SLX4IP: variants seen among roughly 807,000 people sequenced by gnomAD.
The protein encoded by SLX4IP is SLX4 interacting protein.
In SLX4IP, 34 loss-of-function variants were observed where a neutral mutation model predicts 32.9. The observed-to-expected ratio is 1.03, with a 90% CI of 0.79 to 1.38. SLX4IP has a LOEUF of 1.38. Among genes scored for constraint, SLX4IP ranks in the 40% most tolerant of loss-of-function variants. The pLI is 0.00. For synonymous variants in SLX4IP, 172 were observed against 171.7 expected (o/e 1.00, Z -0.01); for missense variants, 444 against 479.0 (o/e 0.93, Z 0.68).
intron 2 of SLX4IP, among the ~76,000 whole-genome samples, chr20:10,510,386 C>T (rs951168525): frequency 1.3e-5 from 2 of 152,124 alleles, no homozygotes; most frequent in African/African-American, 4.8e-5. Flanking sequence ...TGTGGCCACA[C>T]ACACCTTTCA....
intron 1 of SLX4IP, among the ~76,000 whole-genome samples, chr20:10,436,140 A>G (rs1381973847): frequency 6.6e-6 from 1 of 152,132 alleles, no homozygotes; most frequent in Admixed American, 6.5e-5. Flanking sequence ...TTTGTAAGCC[A>G]GTTGGCTAGC....
At chr20:10,468,078 TCAAA>T (rs1179478165) in intron 2 of SLX4IP, among the ~76,000 whole-genome samples, 2 of 152,196 alleles carry the variant, frequency 1.3e-5, no homozygotes, top group Admixed American at 6.5e-5. Context: ...CCCTAAAACT[TCAAA>T]CAAAGAACTG....
chr20:10,527,475 C>G (rs2065949673), intron 2 of SLX4IP, among the ~76,000 whole-genome samples: 1 of 152,192 alleles, frequency 6.6e-6, no homozygotes, highest in African/African-American at 2.4e-5. Flanking sequence ...ACAGAATCCT[C>G]TCAGTGTATT....
intron 2 of SLX4IP, among the ~76,000 whole-genome samples, chr20:10,465,771 G>A (rs2065375809): frequency 6.6e-6 from 1 of 152,254 alleles, no homozygotes; most frequent in Non-Finnish European, 1.5e-5. Flanking sequence ...ATTCCAAAGT[G>A]ATGGGATTAT....
chr20:10,488,384 G>A (rs1014843857), intron 2 of SLX4IP, among the ~76,000 whole-genome samples: 3 of 152,114 alleles, frequency 2.0e-5, no homozygotes, highest in African/African-American at 7.2e-5. Context: ...TAGGAGAAGA[G>A]GCATGGAACA....
chr20:10,492,381 T>C (rs2065631343), intron 2 of SLX4IP, among the ~76,000 whole-genome samples: 2 of 152,240 alleles, frequency 1.3e-5, no homozygotes, highest in South Asian at 4.1e-4. Context: ...TCTTCATATC[T>C]TTGGGAATTC....
intron 2 of SLX4IP, among the ~76,000 whole-genome samples, chr20:10,474,533 A>G (rs756858640): frequency 1.3e-5 from 2 of 151,882 alleles, no homozygotes; most frequent in Non-Finnish European, 2.9e-5. Flanking sequence ...GATGTCCTCC[A>G]TTTACATCTC....
At chr20:10,559,850 A>G in intron 3 of SLX4IP, among the ~76,000 whole-genome samples, 1 of 152,214 alleles carries the variant, frequency 6.6e-6, no homozygotes, top group East Asian at 1.9e-4. Flanking sequence ...CTGTTAGTAC[A>G]TGAGTGTAGT....
intron 2 of SLX4IP, among the ~76,000 whole-genome samples, chr20:10,498,505 A>G (rs1382882879): frequency 6.6e-6 from 1 of 151,870 alleles, no homozygotes; most frequent in Non-Finnish European, 1.5e-5. Flanking sequence ...TTTCAGGTCC[A>G]TTTCTGTCTC....
intron 2 of SLX4IP, among the ~76,000 whole-genome samples, chr20:10,545,603 G>T (rs1320732482): frequency 2.6e-5 from 4 of 152,198 alleles, no homozygotes; most frequent in Non-Finnish European, 5.9e-5. Context: ...CAAGTCCTTT[G>T]TTGTATTAGA....
chr20:10,516,281 A>G (rs2065848704), intron 2 of SLX4IP, among the ~76,000 whole-genome samples: 1 of 152,190 alleles, frequency 6.6e-6, no homozygotes, highest in Non-Finnish European at 1.5e-5. Flanking sequence ...TGTCAATGCT[A>G]GCAAGTTTTT....
intron 4 of SLX4IP, among the ~76,000 whole-genome samples, chr20:10,587,089 G>A (rs1439097389): frequency 1.3e-5 from 2 of 151,946 alleles, no homozygotes; most frequent in Admixed American, 6.6e-5. Flanking sequence ...GACAATAAAA[G>A]AGAAGAAAAT....
At chr20:10,437,144 G>T (rs2065122076) in intron 1 of SLX4IP, among the ~76,000 whole-genome samples, 1 of 151,660 alleles carries the variant, frequency 6.6e-6, no homozygotes, top group South Asian at 2.1e-4. Context: ...TTTATTTTTT[G>T]AGACAGGGTA....
At position 10,452,516 on chromosome 20, in the gene SLX4IP, A is replaced by G. The variant is rs558044241; in HGVS notation, c.-29-5660A>G. On this transcript the variant is annotated intron_variant, in intron 1 of 7. Transcript: ENST00000334534. Reference sequence around the variant, plus strand: ...CTCTGTCTCTACTAAAAATACATAAATTAGCTGGGCGTGGTGGCATGCACC... The same window carrying G: ...CTCTGTCTCTACTAAAAATACATAAGTTAGCTGGGCGTGGTGGCATGCACC... Among the ~76,000 whole-genome samples, 3 of 151,304 alleles carry G rather than the reference A, an allele frequency of 2.0e-5. No homozygotes were observed. In the East Asian group the frequency reaches 5.8e-4, roughly 29 times the overall value.
chr20:10,557,706 A>G (rs578034065), intron 3 of SLX4IP, among the ~76,000 whole-genome samples: 1 of 152,286 alleles, frequency 6.6e-6, no homozygotes, highest in South Asian at 2.1e-4. Context: ...TTAGACCTTT[A>G]TCGGCCTTAG....
At chr20:10,609,339 T>G (rs996417131) in intron 6 of SLX4IP, among the ~76,000 whole-genome samples, 1 of 152,246 alleles carries the variant, frequency 6.6e-6, no homozygotes, top group African/African-American at 2.4e-5. Context: ...TTCCCAAGGA[T>G]ACAGTGTCAT....
intron 2 of SLX4IP, among the ~76,000 whole-genome samples, chr20:10,543,105 A>G (rs1323653468): frequency 6.6e-6 from 1 of 151,910 alleles, no homozygotes; most frequent in African/African-American, 2.4e-5. Flanking sequence ...ATTCACTAGG[A>G]CTCATTTGTT....
intron 5 of SLX4IP, 98 bp from the exon 6 acceptor site, chr20:10,601,633 A>G (rs2066842999): frequency 5.6e-6 from 5 of 896,794 alleles, no homozygotes; most frequent in South Asian, 5.6e-5. Context: ...ATGGATGTGC[A>G]TATTGCAGTA....
At chr20:10,517,131 T>G (rs918226265) in intron 2 of SLX4IP, among the ~76,000 whole-genome samples, 1 of 152,240 alleles carries the variant, frequency 6.6e-6, no homozygotes, top group Non-Finnish European at 1.5e-5. Flanking sequence ...GAAATTGTTC[T>G]AAACTGATCA....
Sources: gnomAD v4.1 joint callset for allele counts (sites outside exome capture counted in the v4.1 genomes callset) on GRCh38, gnomAD v4.1.1 for gene constraint, MANE v1.5 for transcripts, NCBI Gene and HGNC (gene_info 2026-07-23, HGNC 2026-07-21) for gene names.